The following CARMIL1 variants were observed in gnomAD, a reference collection of about 807,000 sequenced individuals.
CARMIL1 encodes the protein capping protein regulator and myosin 1 linker 1.
In CARMIL1, 90 loss-of-function variants were observed where a neutral mutation model predicts 177.1. That is an observed-to-expected ratio of 0.51 (90% CI 0.43 to 0.61). The LOEUF (loss-of-function observed/expected upper bound fraction) is 0.61. CARMIL1 is among the 20% of genes least tolerant of loss of function. The probability of loss-of-function intolerance (pLI) is 0.00; values close to 1 mark genes in which losing one functional copy is unlikely to be tolerated. For synonymous variants in CARMIL1, 577 were observed against 606.2 expected (o/e 0.95, Z 0.71); for missense variants, 1,380 against 1,667.0 (o/e 0.83, Z 3.00).
intron 2 of CARMIL1, among the ~76,000 whole-genome samples, chr6:25,355,523 C>A (rs1032732933): frequency 6.6e-6 from 1 of 152,094 alleles, no homozygotes; most frequent in African/African-American, 2.4e-5. Flanking sequence ...TGTGCACCTG[C>A]TACTGCGTAG....
chr6:25,312,464 T>TA (rs1783911079), intron 2 of CARMIL1, among the ~76,000 whole-genome samples: 1 of 152,126 alleles, frequency 6.6e-6, no homozygotes, highest in Admixed American at 6.5e-5. Flanking sequence ...CATAAGCTTG[T>TA]AAAAAGGCAA....
At chr6:25,535,541 C>T (rs1342976821) in intron 24 of CARMIL1, among the ~76,000 whole-genome samples, 1 of 152,088 alleles carries the variant, frequency 6.6e-6, no homozygotes, top group African/African-American at 2.4e-5. Flanking sequence ...TGGCCGTCAA[C>T]AACTTTTCTG....
At chr6:25,376,372 A>G (rs76683548) in intron 2 of CARMIL1, among the ~76,000 whole-genome samples, 14 of 152,182 alleles carry the variant, frequency 9.2e-5, no homozygotes, top group Non-Finnish European at 1.5e-4. Flanking sequence ...GAGCCACCGT[A>G]TCTGGCTGCC....
intron 8 of CARMIL1, among the ~76,000 whole-genome samples, chr6:25,463,032 A>G (rs1357621083): frequency 1.3e-5 from 2 of 152,172 alleles, no homozygotes; most frequent in East Asian, 1.9e-4. Flanking sequence ...CCATGCCAAT[A>G]TGCTTAGTCT....
chr6:25,537,969 A>G lies in CARMIL1; in HGVS notation c.2182A>G (p.Lys728Glu), dbSNP rs898257917. The change falls in exon 25 of 37, where the codon AAG becomes GAG. Residue 728 changes from lysine (K) to glutamate (E), a missense_variant. Coordinates refer to ENST00000329474, the MANE Select transcript of CARMIL1 (RefSeq NM_017640.6). ...KSAERLMRDA[K>E]NSKTLLPNLY... ...AGCAGAGCGGCTCATGCGTGATGCT[A>G]AGAACTCTAAAACGGTGAGTTTCAC... is the stretch of plus-strand genomic sequence containing the variant. 5 of 1,601,590 alleles carry G rather than the reference A, an allele frequency of 3.1e-6. No individual in the cohort carries two copies. The Admixed American group carries it at 5.2e-5, about 17-fold the overall frequency.
intron 2 of CARMIL1, among the ~76,000 whole-genome samples, chr6:25,411,294 T>C (rs368755901): frequency 6.6e-6 from 1 of 152,186 alleles, no homozygotes; most frequent in East Asian, 1.9e-4. Context: ...TCATGGACCC[T>C]GTGGGCCTGG....
intron 3 of CARMIL1, among the ~76,000 whole-genome samples, chr6:25,420,545 A>G (rs1329472398): frequency 8.0e-6 from 1 of 125,538 alleles, no homozygotes; most frequent in Non-Finnish European, 1.7e-5. Flanking sequence ...ATTCAAGTCT[A>G]CTTCTTATTT....
chr6:25,506,540 TCAAA>T (rs10567898), intron 17 of CARMIL1, among the ~76,000 whole-genome samples: 65,669 of 151,226 alleles, frequency 0.43, 14,560 homozygotes, highest in Middle Eastern at 0.52. Context: ...TGACTCCGTC[TCAAA>T]CAAACAAACA....
intron 5 of CARMIL1, among the ~76,000 whole-genome samples, chr6:25,438,093 A>T (rs189863459): frequency 3.9e-5 from 6 of 152,224 alleles, no homozygotes; most frequent in African/African-American, 1.4e-4. Context: ...AGGCTCTCTC[A>T]TATTTTCAGC....
chr6:25,389,229 A>G (rs1168137606), intron 2 of CARMIL1: 2 of 152,244 alleles, frequency 1.3e-5, no homozygotes, highest in African/African-American at 2.4e-5. Flanking sequence ...CTATTTCTTA[A>G]TTGGAGTCTA....
chr6:25,348,393 A>G (rs1016937684), intron 2 of CARMIL1, among the ~76,000 whole-genome samples: 1 of 151,316 alleles, frequency 6.6e-6, no homozygotes, highest in African/African-American at 2.4e-5. Context: ...CGGCCTCCCA[A>G]AGTGTTGGGA....
chr6:25,523,893 C>T (rs1562247447), intron 23 of CARMIL1, among the ~76,000 whole-genome samples: 1 of 152,196 alleles, frequency 6.6e-6, no homozygotes, highest in Non-Finnish European at 1.5e-5. Flanking sequence ...AGAGACTTAG[C>T]ACAGACTAGC....
At chr6:25,411,961 T>C (rs982057953) in intron 2 of CARMIL1, among the ~76,000 whole-genome samples, 1 of 152,102 alleles carries the variant, frequency 6.6e-6, no homozygotes, top group African/African-American at 2.4e-5. Context: ...GCTCAGAGTG[T>C]AGGGAAGTGA....
Position 25,606,077 on chromosome 6 carries a change from A to G in CARMIL1, c.3651A>G (p.Pro1217=), listed in dbSNP as rs1439422308. The G allele has an allele frequency of 3.7e-5, 60 of 1,613,530 alleles. No individual in the cohort carries two copies. The highest frequency in any genetic ancestry group is 5.0e-5 in the Non-Finnish European group (59 of 1,179,714). ...TCATCTTAGTGCCTAAACTGCACCCAGGTCTTCCAGAGAACCGCTTTGGTT... is the reference window on the plus strand; with the variant it reads ...TCATCTTAGTGCCTAAACTGCACCCGGGTCTTCCAGAGAACCGCTTTGGTT... ...DGGGAVPKLH[P]GLPENRFGLG... Residue 1217 remains proline, a synonymous_variant, in exon 35 of 37, where the codon CCA becomes CCG. Coordinates refer to ENST00000329474, the MANE Select transcript of CARMIL1 (RefSeq NM_017640.6).
intron 31 of CARMIL1, among the ~76,000 whole-genome samples, chr6:25,587,151 G>C (rs536817849): frequency 7.9e-5 from 12 of 152,138 alleles, no homozygotes; most frequent in Admixed American, 4.6e-4. Context: ...AATGGATATA[G>C]ATATTTTAGC....
intron 26 of CARMIL1, among the ~76,000 whole-genome samples, chr6:25,548,638 C>T (rs1256490341): frequency 6.6e-6 from 1 of 152,110 alleles, no homozygotes; most frequent in Non-Finnish European, 1.5e-5. Flanking sequence ...TTATCTTTCT[C>T]CCAGCCCTGC....
At chr6:25,609,924 G>T in intron 35 of CARMIL1, 126 bp from the exon 36 acceptor site, 1 of 1,120,726 alleles carries the variant, frequency 8.9e-7, no homozygotes, top group Non-Finnish European at 1.2e-6. Context: ...CTAATTTTTG[G>T]CCAGAAAAAT....
At chr6:25,282,742 A>G (rs1781236938) in intron 1 of CARMIL1, among the ~76,000 whole-genome samples, 1 of 152,110 alleles carries the variant, frequency 6.6e-6, no homozygotes, top group Non-Finnish European at 1.5e-5. Context: ...CAGTGATCTT[A>G]TTTCCTATGC....
In CARMIL1 at chr6:25,606,117, A is replaced by G; in HGVS notation, c.3691A>G (p.Lys1231Glu). 6.2e-7 allele frequency: 1 copy of G among 1,613,990 alleles called. No homozygotes were observed. The highest frequency in any genetic ancestry group is 8.5e-7 in the Non-Finnish European group (1 of 1,179,900). The stretch of plus-strand genomic sequence containing the variant: ...CCGCTTTGGTTTGGGAACACCAGAA[A>G]AGAATACCAAAGCAGAACCCAAAGC... ...ENRFGLGTPE[K>E]NTKAEPKAEA... The change falls in exon 35 of 37, where the codon AAG (lysine) becomes GAG (glutamate). Residue 1231 changes from lysine to glutamate, a missense_variant. By Grantham distance (56) the Lys-to-Glu change is moderately conservative. Transcript: ENST00000329474.
Sources: gnomAD v4.1 joint callset for allele counts (sites outside exome capture counted in the v4.1 genomes callset) on GRCh38, gnomAD v4.1.1 for gene constraint, MANE v1.5 for transcripts, NCBI Gene and HGNC (gene_info 2026-07-23, HGNC 2026-07-21) for gene names.